CTPS2: variants seen among roughly 807,000 people sequenced by gnomAD.
CTPS2 encodes CTP synthase II.
In CTPS2, 19 loss-of-function variants were observed where a neutral mutation model predicts 46.8. The ratio of observed to expected loss-of-function variants is 0.41; its 90% CI spans 0.28 to 0.60. The LOEUF (loss-of-function observed/expected upper bound fraction) is 0.60. Among genes scored for constraint, CTPS2 ranks in the 20% least tolerant of loss-of-function variants. CTPS2 has a pLI of 0.35. For synonymous variants in CTPS2, 151 were observed against 165.2 expected (o/e 0.91, Z 0.66); for missense variants, 286 against 447.6 (o/e 0.64, Z 3.26).
At chrX:16,699,134 C>A in intron 2 of CTPS2, 41 bp from the exon 3 acceptor site, 1 of 1,006,404 alleles carries the variant, frequency 9.9e-7, no homozygotes, top group Non-Finnish European at 1.3e-6. Flanking sequence ...AACTTTGCTT[C>A]CAGTAGATTT....
chrX:16,669,078 G>A (rs1294574414), intron 11 of CTPS2, among the ~76,000 whole-genome samples: 1 of 111,299 alleles, frequency 9.0e-6, no homozygotes, highest in African/African-American at 3.3e-5. Flanking sequence ...AGCCTTCACT[G>A]TAAGGAAAAG....
At chrX:16,669,168 T>C (rs1432286735) in intron 11 of CTPS2, among the ~76,000 whole-genome samples, 1 of 109,922 alleles carries the variant, frequency 9.1e-6, no homozygotes, top group Non-Finnish European at 1.9e-5. Flanking sequence ...ACGATGGGCC[T>C]GAACAGAGTG....
rs779310930 is a variant in CTPS2, at chrX:16,678,336, T to C, written c.1094+26A>G. ...AAAAGTACAATGGTCCTATCCTAAC[T>C]GGTGTGCGTGGGCCCTGGTACTCAC... is the stretch of plus-strand genomic sequence containing the variant. On this transcript the variant is annotated intron_variant, in intron 10 of 18. Coordinates refer to ENST00000359276, the MANE Select transcript of CTPS2 (RefSeq NM_175859.3). 8.1e-6 allele frequency: 8 copies of C among 987,232 alleles called. No individual in the cohort carries two copies. The African/African-American group carries it at 1.1e-4, about 14-fold the overall frequency. 81.4% of individuals were successfully genotyped at this position (987,232 alleles called of 1,213,427 possible).
chrX:16,698,222 A>C lies in CTPS2; in HGVS notation c.438+14T>G. 8.9e-7 allele frequency: 1 copy of C among 1,125,925 alleles called. No homozygotes were observed. The highest frequency in any genetic ancestry group is 3.0e-5 in the East Asian group (1 of 33,430). 92.8% of individuals were successfully genotyped at this position (1,125,925 alleles called of 1,213,427 possible). A position where few individuals can be genotyped will look rare whatever the true frequency, so the allele number is the denominator to read the frequency against. Reference sequence around the variant, plus strand: ...CAGCAGGATATAATTTTATAAAGAAAGTTCTATGCTTGCCTCAATAACGCA... The same window carrying C: ...CAGCAGGATATAATTTTATAAAGAACGTTCTATGCTTGCCTCAATAACGCA... On this transcript the variant is annotated intron_variant, in intron 4 of 18. Transcript: ENST00000359276.
intron 13 of CTPS2, among the ~76,000 whole-genome samples, chrX:16,657,549 T>C (rs1397000551): frequency 9.0e-6 from 1 of 111,164 alleles, no homozygotes; most frequent in Non-Finnish European, 1.9e-5. Context: ...ACTATTATCA[T>C]TGGTTACGTG....
chrX:16,645,431 G>A (rs138839573), intron 13 of CTPS2, among the ~76,000 whole-genome samples: 2,110 of 110,786 alleles, frequency 0.019, 25 homozygotes, highest in Middle Eastern at 0.037. Flanking sequence ...TTCAGCAGAC[G>A]GGAAGGGAGG....
intron 7 of CTPS2, among the ~76,000 whole-genome samples, chrX:16,691,311 T>C (rs182054275): frequency 4.0e-4 from 45 of 111,140 alleles, no homozygotes; most frequent in Non-Finnish European, 6.0e-4. Flanking sequence ...AGAGTGACAC[T>C]CTGTCTCAAG....
At chrX:16,704,560 CT>C (rs1486815665) in intron 1 of CTPS2, among the ~76,000 whole-genome samples, 6 of 111,969 alleles carry the variant, frequency 5.4e-5, no homozygotes, top group Admixed American at 1.9e-4. Context: ...TGAAACTATT[CT>C]GTATAATACT....
intron 14 of CTPS2, among the ~76,000 whole-genome samples, chrX:16,623,792 CTTTTTTTTTTTTTTT>C (rs60328217): frequency 9.2e-5 from 2 of 21,685 alleles, no homozygotes; most frequent in South Asian, 6.0e-3. Context: ...CCCCTCAATT[CTTTTTTTTTTTTTTT>C]TTTTTTTTTT....
In CTPS2 at chrX:16,691,811, G is replaced by A. The variant is rs753937915; in HGVS notation, c.640-191C>T. Among the ~76,000 whole-genome samples the A allele has an allele frequency of 2.7e-4, 30 of 112,352 alleles. No individual in the cohort carries two copies. In the East Asian group the frequency reaches 8.4e-3, roughly 31 times the overall value. On this transcript the variant is annotated intron_variant, in intron 6 of 18. Coordinates refer to ENST00000359276, the MANE Select transcript of CTPS2 (RefSeq NM_175859.3). ...AGCATAAGTGTATCAGTAAGAACTC[G>A]AAACATCGAGACGTCTCTGGTGAAC...
At chrX:16,646,279 T>C (rs1375917798) in intron 13 of CTPS2, among the ~76,000 whole-genome samples, 1 of 112,513 alleles carries the variant, frequency 8.9e-6, no homozygotes, top group East Asian at 2.8e-4. Flanking sequence ...ATCCCAGCTC[T>C]ACTGCTGACC....
chrX:16,711,894 G>C (rs1188315930), intron 1 of CTPS2: 4 of 111,158 alleles, frequency 3.6e-5, no homozygotes, highest in African/African-American at 1.3e-4. Context: ...GGAGAGGACA[G>C]AAAGGCCATG....
At chrX:16,653,982 C>A (rs1480628593) in intron 13 of CTPS2, among the ~76,000 whole-genome samples, 4 of 111,225 alleles carry the variant, frequency 3.6e-5, no homozygotes, top group Non-Finnish European at 7.5e-5. Context: ...AATATGTCAG[C>A]CCTAGCCCTG....
intron 1 of CTPS2, among the ~76,000 whole-genome samples, chrX:16,704,851 G>A (rs953471787): frequency 9.0e-5 from 10 of 110,601 alleles, no homozygotes; most frequent in Admixed American, 7.8e-4. Flanking sequence ...GAAGGCTGAG[G>A]AAGAGAGAAT....
At chrX:16,613,602 C>CT (rs111462789) in intron 16 of CTPS2, among the ~76,000 whole-genome samples, 2,652 of 102,076 alleles carry the variant, frequency 0.026, 94 homozygotes, top group African/African-American at 0.085. Context: ...AGGGACTTGC[C>CT]TTTTTTTTTT....
chrX:16,709,909 T>C (rs913554218), intron 1 of CTPS2, among the ~76,000 whole-genome samples: 2 of 99,380 alleles, frequency 2.0e-5, no homozygotes, highest in Non-Finnish European at 2.0e-5. Flanking sequence ...AGATACACCA[T>C]GTTATGTCTT....
chrX:16,626,277 G>T (rs1449922842), intron 14 of CTPS2, among the ~76,000 whole-genome samples: 1 of 111,172 alleles, frequency 9.0e-6, no homozygotes, highest in African/African-American at 3.3e-5. Flanking sequence ...AGCTACTCAG[G>T]AGGCTGAGGC....
intron 14 of CTPS2, among the ~76,000 whole-genome samples, chrX:16,631,929 T>G (rs760712351): frequency 1.8e-5 from 2 of 111,863 alleles, no homozygotes; most frequent in South Asian, 3.8e-4. Context: ...AGTTCCTCAG[T>G]GTTCCCCTGG....
chrX:16,599,776 C>A (rs1230805283), intron 17 of CTPS2, among the ~76,000 whole-genome samples: 2 of 55,773 alleles, frequency 3.6e-5, no homozygotes, highest in Admixed American at 1.8e-4. Flanking sequence ...GCACCCGGCA[C>A]CCCCCCCCTT....
Sources: allele counts gnomAD v4.1 joint callset (sites outside exome capture counted in the v4.1 genomes callset), GRCh38; gene constraint gnomAD v4.1.1; transcripts MANE v1.5; gene names NCBI Gene and HGNC (gene_info 2026-07-23, HGNC 2026-07-21).